LUZP1: variants seen among roughly 807,000 people sequenced by gnomAD.
The protein encoded by LUZP1 is filamin mechanobinding actin cross-linking protein.
A neutral mutation model predicts 71.3 loss-of-function variants in LUZP1; 25 were observed. The ratio of observed to expected loss-of-function variants is 0.35; its 90% CI spans 0.26 to 0.49. The LOEUF (loss-of-function observed/expected upper bound fraction) is 0.49. LUZP1 is among the 20% of genes least tolerant of loss of function. The probability of loss-of-function intolerance (pLI) is 0.99; values close to 1 mark genes in which losing one functional copy is unlikely to be tolerated. For synonymous variants in LUZP1, 481 were observed against 506.4 expected (o/e 0.95, Z 0.67); for missense variants, 1,142 against 1,300.8 (o/e 0.88, Z 1.88).
At chr1:23,128,669 A>G (rs1360184551) in intron 2 of LUZP1, among the ~76,000 whole-genome samples, 1 of 152,256 alleles carries the variant, frequency 6.6e-6, no homozygotes, top group African/African-American at 2.4e-5. Flanking sequence ...TCTAAGTGCT[A>G]TGTCTCCAAT....
intron 2 of LUZP1, among the ~76,000 whole-genome samples, chr1:23,127,624 C>T (rs1295028072): frequency 4.6e-5 from 7 of 152,142 alleles, no homozygotes; most frequent in South Asian, 2.1e-4. Context: ...CCCGGGTTCA[C>T]GCCATTCTCC....
intron 2 of LUZP1, among the ~76,000 whole-genome samples, chr1:23,125,922 A>G (rs541658695): frequency 6.6e-6 from 1 of 152,348 alleles, no homozygotes; most frequent in African/African-American, 2.4e-5. Context: ...AACACTTCAT[A>G]TGGATATACA....
intron 2 of LUZP1, among the ~76,000 whole-genome samples, chr1:23,127,764 C>G (rs1010828149): frequency 2.0e-5 from 3 of 152,112 alleles, no homozygotes; most frequent in Admixed American, 2.0e-4. Flanking sequence ...ACCTCGTAAT[C>G]CGCCCACCTC....
chr1:23,160,663 T>C (rs1433674053), intron 2 of LUZP1, among the ~76,000 whole-genome samples: 2 of 152,202 alleles, frequency 1.3e-5, no homozygotes, highest in East Asian at 3.8e-4. Flanking sequence ...TAAATATCAT[T>C]GGTCATCAAA....
chr1:23,131,655 T>C (rs976333249), intron 2 of LUZP1, among the ~76,000 whole-genome samples: 1 of 152,064 alleles, frequency 6.6e-6, no homozygotes, highest in African/African-American at 2.4e-5. Context: ...AGAACATTGT[T>C]TCCTGCTCCT....
chr1:23,136,370 CA>C (rs1427168700), intron 2 of LUZP1, among the ~76,000 whole-genome samples: 2 of 145,862 alleles, frequency 1.4e-5, no homozygotes, highest in Non-Finnish European at 3.0e-5. Context: ...GAGGAAAAAA[CA>C]AAAACAATTT....
At chr1:23,111,195 G>A (rs995651393) in intron 2 of LUZP1, among the ~76,000 whole-genome samples, 19 of 38,616 alleles carry the variant, frequency 4.9e-4, no homozygotes, top group Admixed American at 1.0e-3. Flanking sequence ...GTGAGACGCT[G>A]TCTCAAAAAA....
intron 1 of LUZP1, among the ~76,000 whole-genome samples, chr1:23,170,462 C>CTTTTTTTTTTTTTTTTTTTTTTTTTTT (rs200073505): frequency 7.8e-6 from 1 of 127,444 alleles, no homozygotes. Context: ...CTTTTTCTTT[C>CTTTTTTTTTTTTTTTTTTTTTTTTTTT]TTTTTTTTTT....
intron 2 of LUZP1, among the ~76,000 whole-genome samples, chr1:23,121,929 T>C (rs1032759604): frequency 1.3e-5 from 2 of 152,112 alleles, no homozygotes; most frequent in African/African-American, 4.8e-5. Context: ...GGAGAATTGC[T>C]TGAACCCAGG....
chr1:23,102,093 G>A (rs1198343828), intron 3 of LUZP1, among the ~76,000 whole-genome samples: 1 of 151,904 alleles, frequency 6.6e-6, no homozygotes, highest in African/African-American at 2.4e-5. Flanking sequence ...CAGAAGAAGT[G>A]ATTAAATGTG....
intron 2 of LUZP1, among the ~76,000 whole-genome samples, chr1:23,127,977 G>A (rs563964170): frequency 5.9e-5 from 9 of 151,804 alleles, no homozygotes; most frequent in Non-Finnish European, 1.2e-4. Flanking sequence ...CTAAAAATAC[G>A]AAAATTAGCT....
exon 5 of LUZP1, chr1:23,085,747 C>T (rs1221430741): frequency 6.6e-6 from 1 of 152,234 alleles, no homozygotes; most frequent in East Asian, 1.9e-4. Context: ...ACTGCAGATC[C>T]CTTTAACCCA....
At chr1:23,099,727 G>A (rs1222421772) in intron 3 of LUZP1, among the ~76,000 whole-genome samples, 2 of 152,124 alleles carry the variant, frequency 1.3e-5, no homozygotes, top group African/African-American at 4.8e-5. Context: ...AACTAGTACA[G>A]GCAATGAAAA....
chr1:23,095,599 G>A (rs1643888025), intron 3 of LUZP1, among the ~76,000 whole-genome samples: 1 of 152,110 alleles, frequency 6.6e-6, no homozygotes, highest in Admixed American at 6.5e-5. Context: ...CAATAGAGGT[G>A]GTAAGTTGAA....
intron 2 of LUZP1, chr1:23,141,265 G>A (rs1000201182): frequency 6.6e-6 from 1 of 152,304 alleles, no homozygotes; most frequent in Non-Finnish European, 1.5e-5. Flanking sequence ...TGAGTTCAGG[G>A]GAGCCAGGCA....
Position 23,113,141 on chromosome 1 carries a change from C to G in LUZP1, c.-225-4014G>C, listed in dbSNP as rs541448340. On this transcript the variant is annotated intron_variant, in intron 2 of 4. Transcript: ENST00000302291. ...GACACGGTGGCTCATGCCTGTAATC[C>G]TGGCACTTTGGGAGGCCAAGACAGG... is the stretch of plus-strand genomic sequence containing the variant. 6.6e-5 allele frequency among the ~76,000 whole-genome samples: 10 copies of G among 150,948 alleles called. No individual in the cohort carries two copies. In the South Asian group the frequency reaches 1.9e-3, roughly 29 times the overall value.
intron 2 of LUZP1, among the ~76,000 whole-genome samples, chr1:23,124,155 A>G (rs992855076): frequency 1.3e-5 from 2 of 152,340 alleles, no homozygotes; most frequent in African/African-American, 4.8e-5. Context: ...GCAAATGGAA[A>G]GCTGCAGCCC....
rs7519050 is a variant in LUZP1 at position 23,136,436 on chromosome 1, G to A, written c.-225-27309C>T. 8.1e-3 allele frequency among the ~76,000 whole-genome samples: 1,231 copies of A among 151,806 alleles called. 16 individuals carry two copies. The highest frequency in any genetic ancestry group is 0.028 in the African/African-American group (1,175 of 41,356). On this transcript the variant is annotated intron_variant, in intron 2 of 4. Coordinates refer to ENST00000302291, the Ensembl canonical transcript of LUZP1. ...GTCCTGTAGTAAGAACAAATGAGAG[G>A]GAGTATAATCTGATCTATAACATGT... is the stretch of plus-strand genomic sequence containing the variant.
At chr1:23,148,234 C>G (rs1644358070) in intron 2 of LUZP1, among the ~76,000 whole-genome samples, 1 of 152,124 alleles carries the variant, frequency 6.6e-6, no homozygotes, top group African/African-American at 2.4e-5. Flanking sequence ...TTTTTCATCT[C>G]TCTGGGCTGA....
Sources: allele counts gnomAD v4.1 joint callset (sites outside exome capture counted in the v4.1 genomes callset), GRCh38; gene constraint gnomAD v4.1.1; transcripts MANE v1.5; gene names NCBI Gene and HGNC (gene_info 2026-07-23, HGNC 2026-07-21).